LRFN2: variants seen among roughly 807,000 people sequenced by gnomAD.
LRFN2 encodes leucine-rich repeat and fibronectin type-III domain-containing protein 2.
LRFN2 carries 18 observed loss-of-function variants against 37.3 expected under a neutral mutation model. The observed-to-expected ratio is 0.48, with a 90% CI of 0.33 to 0.72. The LOEUF (loss-of-function observed/expected upper bound fraction) is 0.72, where lower values mean the gene tolerates loss of function less well. Among genes scored for constraint, LRFN2 ranks in the 30% least tolerant of loss-of-function variants. The pLI is 0.02. For missense variants in LRFN2, 1,006 were observed against 1,060.7 expected (o/e 0.95, Z 0.72); for synonymous variants, 556 against 466.6 (o/e 1.19, Z -2.47).
chr6:40,544,231 C>T (rs967646821), intron 1 of LRFN2, among the ~76,000 whole-genome samples: 1 of 152,254 alleles, frequency 6.6e-6, no homozygotes. Context: ...AATGTCCTTC[C>T]TGACCCACGG....
chr6:40,435,243 C>T (rs1030028273), intron 1 of LRFN2, among the ~76,000 whole-genome samples: 1 of 150,462 alleles, frequency 6.6e-6, no homozygotes, highest in Non-Finnish European at 1.5e-5. Flanking sequence ...TCATGACAGC[C>T]TGAAACTCCT....
chr6:40,465,965 G>A (rs909104698), intron 1 of LRFN2, among the ~76,000 whole-genome samples: 1 of 152,158 alleles, frequency 6.6e-6, no homozygotes, highest in African/African-American at 2.4e-5. Flanking sequence ...GGCAGTAGTG[G>A]TGACAGAAGG....
chr6:40,511,502 A>C (rs1765708555), intron 1 of LRFN2, among the ~76,000 whole-genome samples: 1 of 152,198 alleles, frequency 6.6e-6, no homozygotes, highest in Non-Finnish European at 1.5e-5. Flanking sequence ...TCTCTAAGTC[A>C]CAAACTGGTA....
intron 1 of LRFN2, among the ~76,000 whole-genome samples, chr6:40,497,157 C>T (rs1200817295): frequency 6.6e-6 from 1 of 152,208 alleles, no homozygotes; most frequent in Non-Finnish European, 1.5e-5. Flanking sequence ...CTGCCCACCT[C>T]ACTCCTAAGT....
intron 1 of LRFN2, among the ~76,000 whole-genome samples, chr6:40,460,132 T>C (rs1270828304): frequency 1.3e-5 from 2 of 152,220 alleles, no homozygotes; most frequent in African/African-American, 4.8e-5. Context: ...TGGACTCTTG[T>C]GGAGTCTCCT....
At chr6:40,429,758 T>C (rs537708643) in intron 2 of LRFN2, among the ~76,000 whole-genome samples, 1 of 152,352 alleles carries the variant, frequency 6.6e-6, no homozygotes, top group Admixed American at 6.5e-5. Context: ...ACTGTATTAC[T>C]TTTAATAATG....
intron 1 of LRFN2, among the ~76,000 whole-genome samples, chr6:40,518,675 A>G (rs1395322193): frequency 6.6e-6 from 1 of 152,144 alleles, no homozygotes; most frequent in Non-Finnish European, 1.5e-5. Flanking sequence ...GCCAGTACAG[A>G]TCATTCAGGA....
chr6:40,434,071 G>C (rs1418555452), intron 1 of LRFN2, among the ~76,000 whole-genome samples: 1 of 152,098 alleles, frequency 6.6e-6, no homozygotes, highest in Admixed American at 6.5e-5. Flanking sequence ...TCTCTGCTCT[G>C]TATTTTCTCC....
intron 1 of LRFN2, among the ~76,000 whole-genome samples, chr6:40,564,023 C>T (rs1270652308): frequency 1.3e-5 from 2 of 152,194 alleles, no homozygotes; most frequent in Non-Finnish European, 2.9e-5. Flanking sequence ...TTAATAATAA[C>T]CCTGTAAGGT....
At chr6:40,485,003 A>C (rs931536561) in intron 1 of LRFN2, among the ~76,000 whole-genome samples, 2 of 152,232 alleles carry the variant, frequency 1.3e-5, no homozygotes, top group Non-Finnish European at 2.9e-5. Context: ...ACCCCAAAAA[A>C]GGATTTGAGG....
chr6:40,569,151 A>C (rs1767143144), intron 1 of LRFN2, among the ~76,000 whole-genome samples: 1 of 152,218 alleles, frequency 6.6e-6, no homozygotes, highest in Non-Finnish European at 1.5e-5. Flanking sequence ...CTTGGTAGCC[A>C]GGGAGCTGGG....
Position 40,432,556 on chromosome 6 carries a change from A to T in LRFN2, c.558T>A (p.Asp186Glu), listed in dbSNP as rs780899531. Reference sequence around the variant, plus strand: ...CTGCAAAGGTGCCCTCGGCGATGTGATCCAGCAGGTTGTGGTCCAGGCTCA... The same window carrying T: ...CTGCAAAGGTGCCCTCGGCGATGTGTTCCAGCAGGTTGTGGTCCAGGCTCA... ...HQLSLDHNLL[D>E]HIAEGTFADL... is the part of the protein sequence containing the mutation. The change falls in exon 2 of 3, where the codon GAT becomes GAA. Residue 186 changes from aspartate to glutamate, a missense_variant. Around this residue, in one of 4 missense-constraint regions of LRFN2, gnomAD observed 185 missense variants for 254.9 expected, o/e 0.73. Coordinates refer to ENST00000338305, the MANE Select transcript of LRFN2 (RefSeq NM_020737.3). The T allele has an allele frequency of 6.2e-7, 1 of 1,614,192 alleles. No individual in the cohort carries two copies. The highest frequency in any genetic ancestry group is 1.7e-5 in the Admixed American group (1 of 60,034).
At position 40,392,210 on chromosome 6, in the gene LRFN2, G is replaced by GC; in HGVS notation, c.2102_2103insG (p.Ala703CysfsTer65). The GC allele has an allele frequency of 1.9e-6, 3 of 1,570,888 alleles. No homozygotes were observed. Among genetic ancestry groups the GC allele is most frequent in the Non-Finnish European group, 2.6e-6 (3 of 1,159,388 alleles). On this transcript the variant is annotated frameshift_variant, in exon 3 of 3. Transcript: ENST00000338305. LOFTEE classifies it high-confidence loss of function. The surrounding 1 kb of genome is among the most constrained non-coding windows in gnomAD (Gnocchi z 4.7). ...GCAGGCTCCTGGCCCGGGCCGCAGG[G>GC]GGCCCCAGCAGTGGCTCTCGGTCCG...
chr6:40,397,190 A>G (rs185800670), intron 2 of LRFN2, among the ~76,000 whole-genome samples: 14 of 152,234 alleles, frequency 9.2e-5, no homozygotes, highest in Admixed American at 7.8e-4. Flanking sequence ...TCATCATCCA[A>G]CCCTACAAAA....
At position 40,432,220 on chromosome 6, in the gene LRFN2, C is replaced by A; in HGVS notation, c.894G>T (p.Leu298Phe). 6.2e-7 allele frequency: 1 copy of A among 1,614,002 alleles called. No homozygotes were observed. Among genetic ancestry groups the A allele is most frequent in the Non-Finnish European group, 8.5e-7 (1 of 1,180,028 alleles). Residue 298 changes from leucine to phenylalanine, a missense_variant, in exon 2 of 3, where the codon TTG becomes TTT. Physicochemically the swap from Leu to Phe is conservative, Grantham distance 22 (BLOSUM62 0). Coordinates refer to ENST00000338305, the MANE Select transcript of LRFN2 (RefSeq NM_020737.3). The stretch of plus-strand genomic sequence containing the variant: ...TGGCCGCCTGGCCCTCCAGAACCAG[C>A]AACTTGTGTGTGTGCTGGGTGATGA... Reference protein sequence around the residue: ...PPLITQHTHKLLVLEGQAATL... With the variant: ...PPLITQHTHKFLVLEGQAATL...
chr6:40,422,136 CAT>C (rs1353320265), intron 2 of LRFN2, among the ~76,000 whole-genome samples: 2 of 152,180 alleles, frequency 1.3e-5, no homozygotes, highest in African/African-American at 4.8e-5. Flanking sequence ...AGTGTTTCCA[CAT>C]ATGTTATCTC....
chr6:40,473,130 T>A (rs929498247), intron 1 of LRFN2, among the ~76,000 whole-genome samples: 5 of 152,068 alleles, frequency 3.3e-5, no homozygotes, highest in Non-Finnish European at 7.4e-5. Flanking sequence ...AGATAGGTGA[T>A]CTTCTGGGCC....
chr6:40,537,193 A>C (rs1766464738), intron 1 of LRFN2, among the ~76,000 whole-genome samples: 1 of 152,222 alleles, frequency 6.6e-6, no homozygotes, highest in Non-Finnish European at 1.5e-5. Context: ...CTTCCAGCAT[A>C]GTCCGCAGCA....
chr6:40,444,104 C>T (rs1763907911), intron 1 of LRFN2, among the ~76,000 whole-genome samples: 1 of 152,168 alleles, frequency 6.6e-6, no homozygotes, highest in Admixed American at 6.5e-5. Context: ...CCGCACAGGT[C>T]AGCCTACCCG....
Sources: allele counts gnomAD v4.1 joint callset (sites outside exome capture counted in the v4.1 genomes callset), GRCh38; gene constraint gnomAD v4.1.1; regional missense constraint gnomAD v4.1.1; non-coding constraint Gnocchi (gnomAD v3.1); transcripts MANE v1.5; gene names NCBI Gene and HGNC (gene_info 2026-07-23, HGNC 2026-07-21).